Variants in GABRB1 observed in about 807,000 individuals in gnomAD.
GABRB1 encodes the protein gamma-aminobutyric acid type A receptor subunit beta1.
Under a neutral mutation model 51.6 loss-of-function variants are expected in GABRB1, and 17 were observed. That is an observed-to-expected ratio of 0.33 (90% CI 0.23 to 0.49). GABRB1 has a LOEUF of 0.49. Ranked by LOEUF, GABRB1 falls within the 20% of genes least tolerant of loss-of-function variation. The probability of loss-of-function intolerance (pLI) is 0.99; values close to 1 mark genes in which losing one functional copy is unlikely to be tolerated. For synonymous variants in GABRB1, 247 were observed against 218.9 expected (o/e 1.13, Z -1.14); for missense variants, 410 against 600.6 (o/e 0.68, Z 3.32).
Position 47,031,573 on chromosome 4 carries a change from G to T in GABRB1, c.-79G>T, listed in dbSNP as rs562037725. The T allele has an allele frequency of 3.2e-4, 393 of 1,224,824 alleles. 2 individuals carry two copies. In the South Asian group the frequency reaches 4.6e-3, roughly 14 times the overall value. 75.9% of individuals were successfully genotyped at this position (1,224,824 alleles called of 1,614,324 possible). On this transcript the variant is annotated 5_prime_UTR_variant, in exon 1 of 9. Coordinates refer to ENST00000295454, the MANE Select transcript of GABRB1 (RefSeq NM_000812.4). ...TCTGCGCATGCGCAGGTCCATTCGG[G>T]AATTACTGCCCAGCAGCCGACTAAG...
chr4:47,263,578 A>T (rs1722534962), intron 4 of GABRB1, among the ~76,000 whole-genome samples: 1 of 152,202 alleles, frequency 6.6e-6, no homozygotes, highest in Non-Finnish European at 1.5e-5. Flanking sequence ...GAGTGAATAC[A>T]TGAGTCAATC....
intron 1 of GABRB1, among the ~76,000 whole-genome samples, chr4:47,024,244 C>A (rs537021019): frequency 1.3e-5 from 2 of 151,804 alleles, no homozygotes; most frequent in Non-Finnish European, 2.9e-5. Flanking sequence ...TAATTTTCTG[C>A]TTCTGGAATT....
At chr4:47,233,978 G>T (rs540018584) in intron 4 of GABRB1, among the ~76,000 whole-genome samples, 1 of 152,238 alleles carries the variant, frequency 6.6e-6, no homozygotes, top group South Asian at 2.1e-4. Flanking sequence ...GAAACCTAAT[G>T]ATTGCCATGA....
chr4:47,067,859 T>C (rs1727154547), intron 3 of GABRB1, among the ~76,000 whole-genome samples: 1 of 152,128 alleles, frequency 6.6e-6, no homozygotes, highest in Non-Finnish European at 1.5e-5. Context: ...TTAGCTCTTC[T>C]TCCTGATGCT....
chr4:47,308,056 G>A (rs953116876), intron 4 of GABRB1, among the ~76,000 whole-genome samples: 2 of 152,022 alleles, frequency 1.3e-5, no homozygotes, highest in South Asian at 2.1e-4. Flanking sequence ...ATTCTAGCTA[G>A]AGAAATAATA....
intron 4 of GABRB1, among the ~76,000 whole-genome samples, chr4:47,213,268 C>T (rs1720434049): frequency 6.6e-6 from 1 of 152,198 alleles, no homozygotes; most frequent in Non-Finnish European, 1.5e-5. Flanking sequence ...GCCAGACAAG[C>T]TGCTATTGCT....
At chr4:46,997,601 A>G (rs1724041884) in intron 1 of GABRB1, among the ~76,000 whole-genome samples, 1 of 151,586 alleles carries the variant, frequency 6.6e-6, no homozygotes, top group Non-Finnish European at 1.5e-5. Context: ...TTTCATATTT[A>G]TTTTTCTGTG....
intron 5 of GABRB1, among the ~76,000 whole-genome samples, chr4:47,342,713 C>G (rs1725947730): frequency 6.6e-6 from 1 of 152,114 alleles, no homozygotes; most frequent in African/African-American, 2.4e-5. Flanking sequence ...TCATCCAGTT[C>G]TTTCTTACAG....
intron 3 of GABRB1, among the ~76,000 whole-genome samples, chr4:47,103,787 G>A (rs879766019): frequency 3.3e-5 from 5 of 151,620 alleles, no homozygotes; most frequent in African/African-American, 4.8e-5. Context: ...CATATAACAC[G>A]TTACAGAAAA....
chr4:47,129,045 C>T (rs1294428956), intron 3 of GABRB1, among the ~76,000 whole-genome samples: 1 of 152,030 alleles, frequency 6.6e-6, no homozygotes, highest in Non-Finnish European at 1.5e-5. Flanking sequence ...CATATACATA[C>T]ATGATTGTAC....
At position 47,350,756 on chromosome 4, in the gene GABRB1, G is replaced by GGTGTC. The variant is rs1726297535; in HGVS notation, c.544+30547_544+30548insGTGTC. On this transcript the variant is annotated intron_variant, in intron 5 of 8. Transcript: ENST00000295454. ...TATGTAGAGTGCTATAAACCCTGATGACACGATGCAAACAAATCAACTCTG... is the reference window on the plus strand; with the variant it reads ...TATGTAGAGTGCTATAAACCCTGATGGTGTCACACGATGCAAACAAATCAACTCTG... 2.6e-5 allele frequency among the ~76,000 whole-genome samples: 4 copies of GGTGTC among 151,994 alleles called. No individual in the cohort carries two copies. In the South Asian group the frequency reaches 8.3e-4, roughly 32 times the overall value.
chr4:47,415,826 T>C (rs915812102), intron 8 of GABRB1, among the ~76,000 whole-genome samples: 1 of 152,176 alleles, frequency 6.6e-6, no homozygotes, highest in Non-Finnish European at 1.5e-5. Context: ...TTCATTCAGA[T>C]ACACCTCAAT....
chr4:47,251,354 G>C lies in GABRB1; in HGVS notation c.462-68773G>C, dbSNP rs138143970. On this transcript the variant is annotated intron_variant, in intron 4 of 8. Transcript: ENST00000295454. ...CAACTGTTCCAGTGGAGGTGGCAGG[G>C]GGATGCATTGGATTCTGTGAGGGTT... 7.4e-3 allele frequency among the ~76,000 whole-genome samples: 1,128 copies of C among 152,280 alleles called. 9 individuals carry two copies. Among genetic ancestry groups the C allele is most frequent in the Admixed American group, 0.012 (189 of 15,304 alleles).
intron 4 of GABRB1, among the ~76,000 whole-genome samples, chr4:47,309,853 A>G (rs1178587323): frequency 6.6e-6 from 1 of 152,110 alleles, no homozygotes; most frequent in Non-Finnish European, 1.5e-5. Context: ...TTACTCTGAT[A>G]ATGTATTTGT....
intron 8 of GABRB1, among the ~76,000 whole-genome samples, chr4:47,412,285 T>A (rs1249650759): frequency 1.3e-5 from 2 of 152,218 alleles, no homozygotes; most frequent in Non-Finnish European, 2.9e-5. Flanking sequence ...TAAGTACTTG[T>A]TGAATGAATG....
In GABRB1 at chr4:47,425,803, T is replaced by C; in HGVS notation, c.1210T>C (p.Tyr404His). ...MYSYDSASIQ[Y>H]RKPLSSREAY... ...CTCCTATGACAGCGCCAGCATCCAG[T>C]ACCGCAAGCCCCTGAGCAGCCGCGA... The change falls in exon 9 of 9, where the codon TAC becomes CAC. Residue 404 changes from tyrosine (Y) to histidine (H), a missense_variant. Around this residue, in one of 5 missense-constraint regions of GABRB1, gnomAD observed 181 missense variants for 195.6 expected, o/e 0.93. Coordinates refer to ENST00000295454, the MANE Select transcript of GABRB1 (RefSeq NM_000812.4). 6.2e-7 allele frequency: 1 copy of C among 1,614,128 alleles called. No homozygotes were observed. The highest frequency in any genetic ancestry group is 8.5e-7 in the Non-Finnish European group (1 of 1,179,994).
intron 3 of GABRB1, among the ~76,000 whole-genome samples, chr4:47,152,077 T>A (rs1194274317): frequency 6.6e-6 from 1 of 152,074 alleles, no homozygotes; most frequent in Non-Finnish European, 1.5e-5. Flanking sequence ...TGGAAATCTG[T>A]CAATTCTCTA....
intron 5 of GABRB1, among the ~76,000 whole-genome samples, chr4:47,340,045 C>T (rs564348721): frequency 6.6e-6 from 1 of 152,272 alleles, no homozygotes; most frequent in East Asian, 1.9e-4. Context: ...ATTTGACATT[C>T]TGTTGCCAGT....
intron 5 of GABRB1, among the ~76,000 whole-genome samples, chr4:47,328,137 T>C (rs910460197): frequency 4.6e-5 from 7 of 152,184 alleles, no homozygotes; most frequent in Non-Finnish European, 1.0e-4. Context: ...TCATATCCTT[T>C]GCCCACTTTT....
Sources: allele counts gnomAD v4.1 joint callset (sites outside exome capture counted in the v4.1 genomes callset), GRCh38; gene constraint gnomAD v4.1.1; regional missense constraint gnomAD v4.1.1; transcripts MANE v1.5; gene names NCBI Gene and HGNC (gene_info 2026-07-23, HGNC 2026-07-21).